MALRD1: variants seen among roughly 807,000 people sequenced by gnomAD.
MALRD1 encodes MAM and LDL-receptor class A domain-containing protein 1.
MALRD1 carries 247 observed loss-of-function variants against 242.1 expected under a neutral mutation model. The observed-to-expected ratio is 1.02, with a 90% confidence interval of 0.92 to 1.13. The LOEUF (loss-of-function observed/expected upper bound fraction) is 1.13, where lower values mean the gene tolerates loss of function less well. Among genes scored for constraint, MALRD1 ranks in the 50% most tolerant of loss-of-function variants. MALRD1 has a pLI of 0.00. For synonymous variants in MALRD1, 995 were observed against 866.6 expected (o/e 1.15, Z -2.60); for missense variants, 2,989 against 2,533.1 (o/e 1.18, Z -3.86).
intron 21 of MALRD1, among the ~76,000 whole-genome samples, chr10:19,305,535 T>C (rs1460650584): frequency 6.6e-6 from 1 of 151,122 alleles, no homozygotes; most frequent in Non-Finnish European, 1.5e-5. Context: ...TTGAACCAAT[T>C]TGTTGTTGTG....
intron 28 of MALRD1, among the ~76,000 whole-genome samples, chr10:19,444,741 AT>A (rs1834869634): frequency 6.6e-6 from 1 of 151,944 alleles, no homozygotes. Context: ...TGCCCTTAAC[AT>A]TTTTTCCTTC....
intron 36 of MALRD1, among the ~76,000 whole-genome samples, chr10:19,624,904 G>C (rs1480934917): frequency 6.6e-6 from 1 of 150,724 alleles, no homozygotes; most frequent in African/African-American, 2.4e-5. Flanking sequence ...AAAAAAGATC[G>C]GGAACATTTA....
intron 31 of MALRD1, among the ~76,000 whole-genome samples, chr10:19,518,893 A>C (rs184880605): frequency 2.0e-5 from 3 of 152,312 alleles, no homozygotes; most frequent in African/African-American, 7.2e-5. Flanking sequence ...GTGCAACACT[A>C]GTCATAAAGT....
At chr10:19,264,036 T>C (rs186455762) in intron 19 of MALRD1, among the ~76,000 whole-genome samples, 1 of 152,330 alleles carries the variant, frequency 6.6e-6, no homozygotes, top group East Asian at 1.9e-4. Flanking sequence ...GTACAGGGGT[T>C]CGCTTTTACC....
intron 2 of MALRD1, among the ~76,000 whole-genome samples, chr10:19,071,177 G>A (rs1455266593): frequency 6.6e-6 from 1 of 151,930 alleles, no homozygotes; most frequent in African/African-American, 2.4e-5. Context: ...TGCATGCTGT[G>A]GGCAGCAGTC....
chr10:19,601,603 G>A lies in MALRD1; in HGVS notation c.5944+6146G>A, dbSNP rs557876089. 2.2e-3 allele frequency among the ~76,000 whole-genome samples: 331 copies of A among 152,040 alleles called. 1 individual carries two copies. Among genetic ancestry groups the A allele is most frequent in the African/African-American group, 7.4e-3 (308 of 41,544 alleles). On this transcript the variant is annotated intron_variant, in intron 34 of 39. Transcript: ENST00000454679. The stretch of plus-strand genomic sequence containing the variant: ...AAACGGTTAACTTTCTAAGAAAAAA[G>A]TAAAGCTTTTTATATTGAAACCATT...
chr10:19,294,679 T>A (rs1412146302), intron 21 of MALRD1, among the ~76,000 whole-genome samples: 1 of 152,168 alleles, frequency 6.6e-6, no homozygotes, highest in East Asian at 1.9e-4. Flanking sequence ...ACCCAAGGCA[T>A]TCTCTATCTT....
chr10:19,626,536 A>T (rs915986878), intron 36 of MALRD1, among the ~76,000 whole-genome samples: 3 of 152,066 alleles, frequency 2.0e-5, no homozygotes, highest in African/African-American at 4.8e-5. Context: ...AATATAAAAG[A>T]CTAGATGAAT....
intron 14 of MALRD1, among the ~76,000 whole-genome samples, chr10:19,183,336 A>G (rs1443821502): frequency 6.6e-6 from 1 of 152,026 alleles, no homozygotes; most frequent in Non-Finnish European, 1.5e-5. Context: ...TGAAGGAAGC[A>G]TGCAAAATTT....
intron 29 of MALRD1, among the ~76,000 whole-genome samples, chr10:19,486,654 T>C (rs1041794518): frequency 6.6e-6 from 1 of 152,172 alleles, no homozygotes; most frequent in Non-Finnish European, 1.5e-5. Context: ...CATGTCCATA[T>C]GAAACTTGCC....
chr10:19,709,827 T>G (rs916677155), intron 38 of MALRD1, among the ~76,000 whole-genome samples: 1 of 152,208 alleles, frequency 6.6e-6, no homozygotes, highest in African/African-American at 2.4e-5. Context: ...TGTGCTGGTC[T>G]TAACTACACA....
chr10:19,699,815 G>A (rs1446706489), intron 38 of MALRD1, among the ~76,000 whole-genome samples: 1 of 151,850 alleles, frequency 6.6e-6, no homozygotes, highest in Non-Finnish European at 1.5e-5. Context: ...GATCTGGTGA[G>A]ACCTCACTCA....
At chr10:19,492,598 G>A (rs990368533) in intron 30 of MALRD1, among the ~76,000 whole-genome samples, 2 of 152,320 alleles carry the variant, frequency 1.3e-5, no homozygotes, top group Middle Eastern at 3.4e-3. Flanking sequence ...TAACATGGTA[G>A]CCACAGGGTG....
At chr10:19,076,851 G>A (rs1835335072) in intron 2 of MALRD1, among the ~76,000 whole-genome samples, 1 of 151,870 alleles carries the variant, frequency 6.6e-6, no homozygotes, top group South Asian at 2.1e-4. Flanking sequence ...AATTTTGAGA[G>A]GAATTGCATT....
intron 5 of MALRD1, among the ~76,000 whole-genome samples, chr10:19,118,405 G>C (rs1836947512): frequency 6.6e-6 from 1 of 152,126 alleles, no homozygotes. Context: ...GATGTACATT[G>C]GTTGAGTTTA....
chr10:19,599,044 G>A (rs556990894), intron 34 of MALRD1, among the ~76,000 whole-genome samples: 105 of 152,138 alleles, frequency 6.9e-4, no homozygotes, highest in Non-Finnish European at 1.2e-3. Context: ...GAGTAGGAGG[G>A]CAGAATTCTG....
intron 20 of MALRD1, 39 bp downstream of exon 20, chr10:19,280,262 A>C: frequency 7.2e-7 from 1 of 1,397,766 alleles, no homozygotes; most frequent in Non-Finnish European, 9.4e-7. Flanking sequence ...TACTGCTACA[A>C]AATAGAAAAT....
chr10:19,607,705 T>C, intron 34 of MALRD1, 72 bp from the exon 35 acceptor site: 1 of 1,499,416 alleles, frequency 6.7e-7, no homozygotes, highest in Non-Finnish European at 8.9e-7. Flanking sequence ...TATGTTATTT[T>C]GTTGTGAGAA....
intron 14 of MALRD1, among the ~76,000 whole-genome samples, chr10:19,198,789 A>G (rs984787321): frequency 3.3e-5 from 5 of 152,194 alleles, no homozygotes; most frequent in Admixed American, 3.3e-4. Flanking sequence ...AAAAGAGTTA[A>G]TTATTTCTAT....
Sources: gnomAD v4.1 joint callset for allele counts (sites outside exome capture counted in the v4.1 genomes callset) on GRCh38, gnomAD v4.1.1 for gene constraint, MANE v1.5 for transcripts, NCBI Gene and HGNC (gene_info 2026-07-23, HGNC 2026-07-21) for gene names.